MAPK10: variants seen among roughly 807,000 people sequenced by gnomAD.
The protein encoded by MAPK10 is JNK3 alpha protein kinase.
A neutral mutation model predicts 59.3 loss-of-function variants in MAPK10; 25 were observed. The observed-to-expected ratio is 0.42, with a 90% CI of 0.31 to 0.59. MAPK10 has a LOEUF of 0.59. Among genes scored for constraint, MAPK10 ranks in the 20% least tolerant of loss-of-function variants. The pLI is 0.15. For synonymous variants in MAPK10, 190 were observed against 200.5 expected (o/e 0.95, Z 0.44); for missense variants, 351 against 568.9 (o/e 0.62, Z 3.90).
intron 2 of MAPK10, among the ~76,000 whole-genome samples, chr4:86,232,376 T>A (rs1242487377): frequency 1.8e-5 from 2 of 110,958 alleles, no homozygotes; most frequent in African/African-American, 9.6e-5. Context: ...ATAGAATCAA[T>A]TTTTTTTTTT....
At chr4:86,232,240 A>G (rs150903738) in intron 2 of MAPK10, among the ~76,000 whole-genome samples, 47 of 152,352 alleles carry the variant, frequency 3.1e-4, no homozygotes, top group African/African-American at 1.1e-3. Context: ...TATACCATAA[A>G]CATGAGCAAA....
chr4:86,110,656 T>C (rs1304799827), intron 4 of MAPK10, among the ~76,000 whole-genome samples: 1 of 152,214 alleles, frequency 6.6e-6, no homozygotes, highest in Non-Finnish European at 1.5e-5. Context: ...TAGTTTGAAG[T>C]CAGGTAGTAT....
chr4:86,093,377 A>G (rs1231354190), intron 9 of MAPK10, among the ~76,000 whole-genome samples: 2 of 151,962 alleles, frequency 1.3e-5, no homozygotes, highest in Non-Finnish European at 2.9e-5. Flanking sequence ...TAGCAAGAAG[A>G]TTTAATATAG....
At chr4:86,531,179 C>T (rs1260464473) in intron 1 of MAPK10, among the ~76,000 whole-genome samples, 1 of 152,232 alleles carries the variant, frequency 6.6e-6, no homozygotes, top group African/African-American at 2.4e-5. Flanking sequence ...TCACTGGCTA[C>T]TTTTCCTCCA....
intron 11 of MAPK10, among the ~76,000 whole-genome samples, chr4:86,060,751 A>G (rs1040831910): frequency 6.6e-6 from 1 of 152,112 alleles, no homozygotes; most frequent in East Asian, 1.9e-4. Context: ...ATGACACTAG[A>G]TTTTCTTCTA....
At chr4:86,024,650 G>A (rs1306474682) in intron 13 of MAPK10, 1 of 152,150 alleles carries the variant, frequency 6.6e-6, no homozygotes, top group African/African-American at 2.4e-5. Context: ...AGTATCTTAT[G>A]TGTACTCTTC....
At chr4:86,170,330 A>G (rs999818606) in intron 3 of MAPK10, among the ~76,000 whole-genome samples, 5 of 152,162 alleles carry the variant, frequency 3.3e-5, no homozygotes, top group Non-Finnish European at 7.3e-5. Flanking sequence ...CACGTGCAGA[A>G]ACACACATAG....
At chr4:86,262,710 G>A (rs1348578708) in intron 2 of MAPK10, among the ~76,000 whole-genome samples, 1 of 152,210 alleles carries the variant, frequency 6.6e-6, no homozygotes, top group Non-Finnish European at 1.5e-5. Context: ...AAGGAAGCTA[G>A]AGCTTCAGCT....
intron 3 of MAPK10, among the ~76,000 whole-genome samples, chr4:86,182,114 A>G (rs1001216423): frequency 6.6e-6 from 1 of 152,068 alleles, no homozygotes; most frequent in African/African-American, 2.4e-5. Flanking sequence ...ACTAAAGATT[A>G]TTCTTTTATT....
At chr4:86,301,849 C>T (rs1005746174) in intron 2 of MAPK10, among the ~76,000 whole-genome samples, 1 of 152,120 alleles carries the variant, frequency 6.6e-6, no homozygotes, top group African/African-American at 2.4e-5. Flanking sequence ...ACTACACAAC[C>T]AGAACTTTAA....
chr4:86,251,840 G>A (rs1461078231), intron 2 of MAPK10, among the ~76,000 whole-genome samples: 49 of 139,282 alleles, frequency 3.5e-4, no homozygotes, highest in African/African-American at 1.3e-3. Context: ...AGCACCTGTC[G>A]TTTCCTGACT....
chr4:86,477,492 C>T (rs983555116), intron 1 of MAPK10, among the ~76,000 whole-genome samples: 1 of 152,044 alleles, frequency 6.6e-6, no homozygotes, highest in Non-Finnish European at 1.5e-5. Context: ...GTATAAGATA[C>T]CTCTACTCTC....
chr4:86,047,248 G>A (rs751505031), intron 11 of MAPK10, among the ~76,000 whole-genome samples: 16 of 152,006 alleles, frequency 1.1e-4, no homozygotes, highest in Non-Finnish European at 2.2e-4. Context: ...CGGCCGAAGA[G>A]TACTATTTTA....
In MAPK10 at chr4:86,351,421, ACACACAC is replaced by A. The variant is rs1332241376; in HGVS notation, c.-7+3102_-7+3108del. On this transcript the variant is annotated intron_variant, in intron 2 of 13. Coordinates refer to ENST00000641462, the MANE Select transcript of MAPK10 (RefSeq NM_138982.4). Reference sequence around the variant, plus strand: ...AACACACACACACACACACACACACACACACACATTTTATGACAAATATTGAATCTAC... The same window carrying A: ...AACACACACACACACACACACACACAATTTTATGACAAATATTGAATCTAC... Among the ~76,000 whole-genome samples the A allele has an allele frequency of 6.0e-4, 91 of 151,750 alleles. No individual in the cohort carries two copies. In the East Asian group the frequency reaches 0.014, roughly 23 times the overall value.
chr4:86,529,208 T>C (rs531153463), intron 1 of MAPK10, among the ~76,000 whole-genome samples: 26 of 152,344 alleles, frequency 1.7e-4, no homozygotes, highest in African/African-American at 6.3e-4. Flanking sequence ...AAGTTTTCCC[T>C]TAGATGAAAG....
intron 2 of MAPK10, among the ~76,000 whole-genome samples, chr4:86,258,355 A>C (rs1447286153): frequency 6.6e-6 from 1 of 151,496 alleles, no homozygotes; most frequent in African/African-American, 2.4e-5. Flanking sequence ...TCTCTTCCCC[A>C]TTTTCCTTGT....
chr4:86,466,277 TGATTGGTCCCCTAAGGG>T (rs1752193714), intron 1 of MAPK10, among the ~76,000 whole-genome samples: 1 of 152,230 alleles, frequency 6.6e-6, no homozygotes, highest in African/African-American at 2.4e-5. Flanking sequence ...GAATCATTAT[TGATTGGTCCCCTAAGGG>T]GACATTTAGC....
At chr4:86,050,624 T>G (rs2043326722) in intron 11 of MAPK10, among the ~76,000 whole-genome samples, 1 of 152,142 alleles carries the variant, frequency 6.6e-6, no homozygotes, top group Non-Finnish European at 1.5e-5. Context: ...GCCAAGTTTT[T>G]TGCCTGGATT....
Position 86,301,023 on chromosome 4 carries a change from T to C in MAPK10, c.-7+53507A>G, listed in dbSNP as rs114107647. Among the ~76,000 whole-genome samples the C allele has an allele frequency of 6.8e-3, 1,038 of 152,250 alleles. 14 individuals are homozygous for C. Among genetic ancestry groups the C allele is most frequent in the African/African-American group, 0.024 (978 of 41,552 alleles). On this transcript the variant is annotated intron_variant, in intron 2 of 13. Coordinates refer to ENST00000641462, the MANE Select transcript of MAPK10 (RefSeq NM_138982.4). ...AGTTTCATAAAAGAGCTTAATTTCCTAACCATGGATATTTTGTGCTGAAAC... is the reference window on the plus strand; with the variant it reads ...AGTTTCATAAAAGAGCTTAATTTCCCAACCATGGATATTTTGTGCTGAAAC...
Sources: gnomAD v4.1 joint callset for allele counts (sites outside exome capture counted in the v4.1 genomes callset) on GRCh38, gnomAD v4.1.1 for gene constraint, MANE v1.5 for transcripts, NCBI Gene and HGNC (gene_info 2026-07-23, HGNC 2026-07-21) for gene names.